The following MSRB3 variants were observed in gnomAD, a reference collection of about 807,000 sequenced individuals.
The protein encoded by MSRB3 is methionine sulfoxide reductase B3.
A neutral mutation model predicts 21.0 loss-of-function variants in MSRB3; 13 were observed. That is an observed-to-expected ratio of 0.62 (90% CI 0.40 to 0.98). The LOEUF (loss-of-function observed/expected upper bound fraction) is 0.98, where lower values mean the gene tolerates loss of function less well. Among genes scored for constraint, MSRB3 ranks in the 50% least tolerant of loss-of-function variants. MSRB3 has a pLI of 0.00. For missense variants in MSRB3, 199 were observed against 230.3 expected (o/e 0.86, Z 0.88); for synonymous variants, 87 against 88.6 (o/e 0.98, Z 0.10).
intron 6 of MSRB3, among the ~76,000 whole-genome samples, chr12:65,461,508 A>T (rs931997140): frequency 2.6e-5 from 4 of 152,240 alleles, no homozygotes; most frequent in African/African-American, 7.2e-5. Flanking sequence ...GTTTGCTGGC[A>T]GTGAAATGAG....
chr12:65,298,756 T>G (rs1048138995), intron 1 of MSRB3, among the ~76,000 whole-genome samples: 9 of 152,192 alleles, frequency 5.9e-5, no homozygotes, highest in Admixed American at 2.0e-4. Flanking sequence ...ACTTGTAATT[T>G]CCAGTGCTAA....
At chr12:65,443,920 A>G (rs1379990147) in intron 5 of MSRB3, among the ~76,000 whole-genome samples, 1 of 152,054 alleles carries the variant, frequency 6.6e-6, no homozygotes, top group Non-Finnish European at 1.5e-5. Flanking sequence ...TGTAATTTTG[A>G]CTGCTCTAAG....
Position 65,285,661 on chromosome 12 carries a change from AC to A in MSRB3, c.-52+6797del, listed in dbSNP as rs576689960. The A allele has an allele frequency of 4.7e-4, 71 of 152,276 alleles. 1 individual carries two copies. The highest frequency in any genetic ancestry group is 1.7e-3 in the African/African-American group (70 of 41,516). The allele number at this position is 152,276 out of a possible 1,614,324, so 9.4% of individuals were successfully genotyped here. A position where few individuals can be genotyped will look rare whatever the true frequency, so the allele number is the denominator to read the frequency against. On this transcript the variant is annotated intron_variant, in intron 1 of 6. Transcript: ENST00000308259. ...CGTAGTGAGACCCATCTCTACAAAAACTACAAAAATTAGCTGGGCATTGTGT... is the reference window on the plus strand; with the variant it reads ...CGTAGTGAGACCCATCTCTACAAAAATACAAAAATTAGCTGGGCATTGTGT...
In MSRB3 at chr12:65,463,226, G is replaced by C; in HGVS notation, c.462G>C (p.Ser154=). 6.2e-7 allele frequency: 1 copy of C among 1,614,132 alleles called. No individual in the cohort carries two copies. Among genetic ancestry groups the C allele is most frequent in the South Asian group, 1.1e-5 (1 of 91,076 alleles). ...CTGGGAAAAGATACTGCATAAATTC[G>C]GCTGCCTTGTCTTTTACACCTGCGG... ...RPTGKRYCIN[S]AALSFTPADS... The change falls in exon 7 of 7, where the codon TCG becomes TCC. Residue 154 remains serine, a synonymous_variant. Transcript: ENST00000308259.
intron 1 of MSRB3, among the ~76,000 whole-genome samples, chr12:65,300,478 G>C (rs1873252181): frequency 6.6e-6 from 1 of 152,162 alleles, no homozygotes; most frequent in African/African-American, 2.4e-5. Flanking sequence ...TCCAGACTCT[G>C]TTGTTTTCTA....
chr12:65,364,593 A>C (rs1225935448), intron 4 of MSRB3, among the ~76,000 whole-genome samples: 1 of 152,152 alleles, frequency 6.6e-6, no homozygotes, highest in Non-Finnish European at 1.5e-5. Flanking sequence ...GGAATGAATG[A>C]CCATCCTTCT....
intron 6 of MSRB3, among the ~76,000 whole-genome samples, chr12:65,456,984 A>G (rs949361426): frequency 1.3e-5 from 2 of 151,722 alleles, no homozygotes; most frequent in Non-Finnish European, 2.9e-5. Context: ...TTTGTTTTAT[A>G]ATTTTCTTTC....
chr12:65,289,974 A>C (rs996715326), intron 1 of MSRB3, among the ~76,000 whole-genome samples: 6 of 152,158 alleles, frequency 3.9e-5, no homozygotes, highest in Non-Finnish European at 7.4e-5. Context: ...TATATAACTC[A>C]TCTTTCTAAA....
intron 5 of MSRB3, among the ~76,000 whole-genome samples, chr12:65,373,573 C>T (rs1878438621): frequency 6.6e-6 from 1 of 151,848 alleles, no homozygotes; most frequent in African/African-American, 2.4e-5. Flanking sequence ...ATGTTTAGTG[C>T]TTGTTGATTC....
intron 5 of MSRB3, among the ~76,000 whole-genome samples, chr12:65,384,528 A>C (rs1879112614): frequency 6.6e-6 from 1 of 152,178 alleles, no homozygotes; most frequent in African/African-American, 2.4e-5. Context: ...GAAGATTAAA[A>C]TATTTTCACA....
intron 5 of MSRB3, among the ~76,000 whole-genome samples, chr12:65,381,358 G>A (rs1878931010): frequency 6.6e-6 from 1 of 152,104 alleles, no homozygotes; most frequent in Non-Finnish European, 1.5e-5. Context: ...GCAGAACAAG[G>A]ATTGTTTGGC....
chr12:65,373,399 G>A (rs907640421), intron 5 of MSRB3, among the ~76,000 whole-genome samples: 15 of 152,098 alleles, frequency 9.9e-5, no homozygotes, highest in Non-Finnish European at 8.8e-5. Flanking sequence ...TGGATGTGAA[G>A]GACAGCTTGT....
intron 1 of MSRB3, among the ~76,000 whole-genome samples, chr12:65,294,874 T>G (rs1872865747): frequency 6.6e-6 from 1 of 152,140 alleles, no homozygotes; most frequent in Non-Finnish European, 1.5e-5. Flanking sequence ...CAGGCAGGGA[T>G]GCAGTGGTGT....
chr12:65,405,048 T>C (rs1880336814), intron 5 of MSRB3, among the ~76,000 whole-genome samples: 1 of 151,942 alleles, frequency 6.6e-6, no homozygotes, highest in Non-Finnish European at 1.5e-5. Flanking sequence ...CCTCCTGGGT[T>C]CAAGCAATTC....
At chr12:65,453,689 C>T (rs372265552) in intron 5 of MSRB3, 39 bp from the exon 6 acceptor site, 1 of 1,450,660 alleles carries the variant, frequency 6.9e-7, no homozygotes, top group African/African-American at 1.4e-5. Flanking sequence ...CTGTGTATCT[C>T]TCCTCTCTGC....
chr12:65,293,379 A>G (rs1402436595), intron 1 of MSRB3, among the ~76,000 whole-genome samples: 1 of 152,034 alleles, frequency 6.6e-6, no homozygotes, highest in East Asian at 1.9e-4. Context: ...CGAAGTTCCA[A>G]ATTCTTATAC....
intron 2 of MSRB3, among the ~76,000 whole-genome samples, chr12:65,317,270 G>A (rs901229172): frequency 1.3e-5 from 2 of 152,112 alleles, no homozygotes; most frequent in Admixed American, 6.6e-5. Context: ...CTACCCTATT[G>A]CATAAATTCT....
chr12:65,462,974 T>C (rs1377157036), intron 6 of MSRB3, among the ~76,000 whole-genome samples, 181 bp from the exon 7 acceptor site: 1 of 152,240 alleles, frequency 6.6e-6, no homozygotes, highest in East Asian at 1.9e-4. Context: ...GTTCTCAGCA[T>C]GTGGCGCAAA....
At chr12:65,361,312 A>G (rs1350539126) in intron 4 of MSRB3, among the ~76,000 whole-genome samples, 1 of 152,132 alleles carries the variant, frequency 6.6e-6, no homozygotes, top group Non-Finnish European at 1.5e-5. Flanking sequence ...AAGACTCAAA[A>G]TGGTCATTGA....
Sources: gnomAD v4.1 joint callset for allele counts (sites outside exome capture counted in the v4.1 genomes callset) on GRCh38, gnomAD v4.1.1 for gene constraint, MANE v1.5 for transcripts, NCBI Gene and HGNC (gene_info 2026-07-23, HGNC 2026-07-21) for gene names.